CHL1: variants seen among roughly 807,000 people sequenced by gnomAD.
CHL1 encodes the protein neural cell adhesion molecule L1-like protein.
A neutral mutation model predicts 141.9 loss-of-function variants in CHL1; 96 were observed. The observed-to-expected ratio is 0.68, with a 90% CI of 0.57 to 0.80. The LOEUF (loss-of-function observed/expected upper bound fraction) is 0.80, where lower values mean the gene tolerates loss of function less well. CHL1 is among the 30% of genes least tolerant of loss of function. The pLI, the probability that CHL1 is intolerant of heterozygous loss-of-function variation, is 0.00. For synonymous variants in CHL1, 613 were observed against 502.2 expected (o/e 1.22, Z -2.95); for missense variants, 1,820 against 1,457.2 (o/e 1.25, Z -4.05).
intron 2 of CHL1, chr3:247,923 T>A (rs1218918222): frequency 6.6e-6 from 1 of 152,036 alleles, no homozygotes; most frequent in Non-Finnish European, 1.5e-5. Context: ...TCCCATGATA[T>A]GAGGATATGA....
chr3:363,129 T>G, intron 13 of CHL1, 88 bp from the exon 14 acceptor site: 1 of 1,103,576 alleles, frequency 9.1e-7, no homozygotes, highest in Non-Finnish European at 1.3e-6. Flanking sequence ...TGAAAGGGGA[T>G]TAGCCTGAAT....
chr3:227,336 C>T (rs1701445051), intron 1 of CHL1, among the ~76,000 whole-genome samples: 1 of 152,184 alleles, frequency 6.6e-6, no homozygotes, highest in Non-Finnish European at 1.5e-5. Context: ...AATACAAATA[C>T]ACCTGTGTGC....
At chr3:246,152 A>T (rs1169921993) in intron 2 of CHL1, among the ~76,000 whole-genome samples, 1 of 152,088 alleles carries the variant, frequency 6.6e-6, no homozygotes, top group African/African-American at 2.4e-5. Flanking sequence ...ACATAGGTAA[A>T]TCTTCTGAGA....
At chr3:337,367 A>G (rs1422446461) in intron 5 of CHL1, among the ~76,000 whole-genome samples, 2 of 37,632 alleles carry the variant, frequency 5.3e-5, no homozygotes, top group Admixed American at 3.1e-4. Flanking sequence ...ATTTTTTTAT[A>G]TATATTTTTT....
chr3:286,298 T>A (rs1697135057), intron 2 of CHL1, among the ~76,000 whole-genome samples: 1 of 151,766 alleles, frequency 6.6e-6, no homozygotes, highest in South Asian at 2.1e-4. Flanking sequence ...GTCCATAGAG[T>A]AAAGTGAAAG....
chr3:232,977 C>G (rs1270358146), intron 1 of CHL1, among the ~76,000 whole-genome samples: 2 of 151,902 alleles, frequency 1.3e-5, no homozygotes, highest in Non-Finnish European at 2.9e-5. Flanking sequence ...CCATTACTGG[C>G]AAAATCAATC....
chr3:396,755 C>A (rs978712345), intron 24 of CHL1, among the ~76,000 whole-genome samples: 5 of 152,064 alleles, frequency 3.3e-5, no homozygotes, highest in Admixed American at 2.6e-4. Flanking sequence ...GCCCCCTTCC[C>A]GAGTTGACAC....
intron 2 of CHL1, among the ~76,000 whole-genome samples, chr3:310,459 G>A (rs535874719): frequency 6.6e-6 from 1 of 152,230 alleles, no homozygotes; most frequent in East Asian, 1.9e-4. Flanking sequence ...AAAGAATTAA[G>A]AGGATGTTCT....
intron 2 of CHL1, among the ~76,000 whole-genome samples, chr3:293,824 G>C (rs1424779936): frequency 7.0e-6 from 1 of 142,628 alleles, no homozygotes; most frequent in Non-Finnish European, 1.5e-5. Context: ...TTTTTTTTGA[G>C]ATGGAGTCTT....
intron 10 of CHL1, among the ~76,000 whole-genome samples, chr3:351,089 G>C (rs889310446): frequency 2.0e-5 from 3 of 152,082 alleles, no homozygotes; most frequent in African/African-American, 7.2e-5. Flanking sequence ...CAGATGGCTG[G>C]AACATAGCTA....
intron 1 of CHL1, among the ~76,000 whole-genome samples, chr3:202,145 T>C (rs549776174): frequency 6.6e-6 from 1 of 152,332 alleles, no homozygotes; most frequent in South Asian, 2.1e-4. Flanking sequence ...GTTTCTTCTT[T>C]AGAAACGGGG....
At chr3:201,810 T>C (rs1698971446) in intron 1 of CHL1, among the ~76,000 whole-genome samples, 1 of 152,198 alleles carries the variant, frequency 6.6e-6, no homozygotes, top group Non-Finnish European at 1.5e-5. Flanking sequence ...ATTTCCCCTA[T>C]AGTTGTGGAG....
In CHL1 at chr3:349,409, G is replaced by C. The variant is rs1223108665; in HGVS notation, c.899G>C (p.Gly300Ala). Residue 300 changes from glycine (G) to alanine (A), a missense_variant, in exon 10 of 28, where the codon GGG (glycine) becomes GCG (alanine). Transcript: ENST00000256509. ...AAAATTGGTGGTGACTTACCAAAGG[G>C]GAGAGAAACAAAAGAAAATTATGGC... ...WNKIGGDLPK[G>A]RETKENYGKT... 1 of 1,613,896 alleles carries C rather than the reference G, an allele frequency of 6.2e-7. No homozygotes were observed. The highest frequency in any genetic ancestry group is 1.1e-5 in the South Asian group (1 of 91,082).
chr3:255,337 T>C (rs1054637994), intron 2 of CHL1, among the ~76,000 whole-genome samples: 5 of 152,192 alleles, frequency 3.3e-5, no homozygotes, highest in Admixed American at 6.5e-5. Context: ...TTCCTAGAGT[T>C]TCATGTGATC....
chr3:326,297 A>C (rs146657006), intron 4 of CHL1, among the ~76,000 whole-genome samples: 2 of 152,198 alleles, frequency 1.3e-5, no homozygotes, highest in African/African-American at 4.8e-5. Flanking sequence ...TAAAATACTT[A>C]GAGTAGTCTT....
intron 2 of CHL1, among the ~76,000 whole-genome samples, chr3:286,910 CA>C (rs1697207701): frequency 6.6e-6 from 1 of 152,096 alleles, no homozygotes; most frequent in Non-Finnish European, 1.5e-5. Context: ...ATATAATGAG[CA>C]GTGAGGACCA....
At chr3:289,038 T>G (rs1331156490) in intron 2 of CHL1, among the ~76,000 whole-genome samples, 1 of 152,166 alleles carries the variant, frequency 6.6e-6, no homozygotes, top group African/African-American at 2.4e-5. Context: ...CAAATGACAA[T>G]GCGAAGGGTG....
At chr3:378,714 C>T (rs1257752506) in intron 16 of CHL1, among the ~76,000 whole-genome samples, 1 of 152,120 alleles carries the variant, frequency 6.6e-6, no homozygotes, top group Non-Finnish European at 1.5e-5. Context: ...CCTACTCCAT[C>T]CCTGTGGACT....
chr3:266,513 G>A (rs867970205), intron 2 of CHL1, among the ~76,000 whole-genome samples: 8 of 152,098 alleles, frequency 5.3e-5, no homozygotes, highest in African/African-American at 1.9e-4. Flanking sequence ...CTTTCCTGAG[G>A]TACAAGTTTG....
Sources: allele counts gnomAD v4.1 joint callset (sites outside exome capture counted in the v4.1 genomes callset), GRCh38; gene constraint gnomAD v4.1.1; transcripts MANE v1.5; gene names NCBI Gene and HGNC (gene_info 2026-07-23, HGNC 2026-07-21).